The following RGS3 variants were observed in gnomAD, a reference collection of about 807,000 sequenced individuals.
The protein encoded by RGS3 is regulator of G protein signaling 3, also known as regulator of G-protein signalling 3.
In RGS3, 80 loss-of-function variants were observed where a neutral mutation model predicts 132.6. That is an observed-to-expected ratio of 0.60 (90% CI 0.50 to 0.73). The LOEUF (loss-of-function observed/expected upper bound fraction) is 0.73, where lower values mean the gene tolerates loss of function less well. Ranked by LOEUF, RGS3 falls within the 30% of genes least tolerant of loss-of-function variation. The probability of loss-of-function intolerance (pLI) is 0.00; values close to 1 mark genes in which losing one functional copy is unlikely to be tolerated. For synonymous variants in RGS3, 598 were observed against 620.6 expected, an observed-to-expected ratio of 0.96 and a Z score of 0.54; for missense variants, 1,382 against 1,530.8, an observed-to-expected ratio of 0.90 and a Z score of 1.62.
chr9:113,521,889 G>T (rs538851815), intron 16 of RGS3, among the ~76,000 whole-genome samples: 1 of 152,314 alleles, frequency 6.6e-6, no homozygotes, highest in African/African-American at 2.4e-5. Flanking sequence ...CCTTCTGGCT[G>T]GTTCTTCTTC....
intron 21 of RGS3, 170 bp from the exon 20 acceptor site, chr9:113,594,260 T>TG (rs768828917): frequency 7.5e-6 from 12 of 1,610,706 alleles, no homozygotes; most frequent in Non-Finnish European, 4.2e-6. Context: ...GGCCCCAAGG[T>TG]GGGGGGCCCT....
chr9:113,481,824 A>G (rs1454419510), intron 4 of RGS3, among the ~76,000 whole-genome samples: 1 of 152,220 alleles, frequency 6.6e-6, no homozygotes, highest in Non-Finnish European at 1.5e-5. Context: ...AGGCGGGCCA[A>G]TCACCTGAGG....
At chr9:113,541,751 G>C in intron 19 of RGS3, 1 of 1,031,260 alleles carries the variant, frequency 9.7e-7, no homozygotes, top group Admixed American at 5.7e-5. Context: ...CCTGCCTTGG[G>C]GGCAGCAGGA....
Position 113,446,876 on chromosome 9 carries a change from T to C in RGS3, c.-13+1949T>C, listed in dbSNP as rs1829111895. 3.3e-5 allele frequency among the ~76,000 whole-genome samples: 5 copies of C among 152,278 alleles called. No homozygotes were observed. The South Asian group carries it at 1.0e-3, about 32-fold the overall frequency. On this transcript the variant is annotated intron_variant, in intron 1 of 25. Coordinates refer to the RGS3 transcript ENST00000374140. ...TGGGCAGAGACTCAGGAAGGCAGTA[T>C]TTGGAAGGGCAGAAATATCAAAAGT...
chr9:113,454,618 C>G (rs1229725384), intron 1 of RGS3, among the ~76,000 whole-genome samples: 1 of 148,634 alleles, frequency 6.7e-6, no homozygotes, highest in African/African-American at 2.5e-5. Flanking sequence ...AAAAACAAAA[C>G]AAAACAAAAC....
At chr9:113,529,367 T>C in intron 18 of RGS3, 103 bp downstream of exon 16, 3 of 1,007,986 alleles carry the variant, frequency 3.0e-6, no homozygotes, top group Non-Finnish European at 4.7e-6. Flanking sequence ...CCAGCCTCCA[T>C]ACCCACTCAT....
intron 10 of RGS3, among the ~76,000 whole-genome samples, chr9:113,500,775 C>CCTCCTGGGTTCAAGTGATT (rs1184432813): frequency 6.6e-6 from 1 of 151,540 alleles, no homozygotes; most frequent in Non-Finnish European, 1.5e-5. Flanking sequence ...GCAACCTCTG[C>CCTCCTGGGTTCAAGTGATT]CTCCTGGGTT....
chr9:113,516,040 G>C (rs780760557), intron 15 of RGS3, among the ~76,000 whole-genome samples: 2 of 152,220 alleles, frequency 1.3e-5, no homozygotes, highest in Non-Finnish European at 2.9e-5. Flanking sequence ...CATTTTAAAG[G>C]CTCTTTACAC....
At position 113,565,220 on chromosome 9, in the gene RGS3, G is replaced by A. The variant is rs373972946; in HGVS notation, c.2038-18230G>A. 335 of 1,267,288 alleles carry A rather than the reference G, an allele frequency of 2.6e-4. No homozygotes were observed. Among genetic ancestry groups the A allele is most frequent in the Middle Eastern group, 1.3e-3 (6 of 4,596 alleles). The allele number at this position is 1,267,288 out of a possible 1,614,324, so 78.5% of individuals were successfully genotyped here. A position where few individuals can be genotyped will look rare whatever the true frequency, so the allele number is the denominator to read the frequency against. ...CCCCTCGCGGGGTGGGCAGAAGGAC[G>A]GGCTGGCCCAGGACCCTCTTCTTTG... On this transcript the variant is annotated intron_variant, in intron 19 of 24. Coordinates refer to ENST00000350696, the Ensembl canonical transcript of RGS3. The surrounding 1 kb of genome is among the most constrained non-coding windows in gnomAD (Gnocchi z 5.7).
At chr9:113,526,954 T>A (rs536460227) in intron 17 of RGS3, among the ~76,000 whole-genome samples, 1 of 152,342 alleles carries the variant, frequency 6.6e-6, no homozygotes, top group South Asian at 2.1e-4. Context: ...GCCTGTTTTC[T>A]ACAGCTGCAG....
chr9:113,460,823 C>T (rs2119157488), intron 1 of RGS3, among the ~76,000 whole-genome samples: 1 of 152,276 alleles, frequency 6.6e-6, no homozygotes, highest in South Asian at 2.1e-4. Context: ...TGAAAATGCA[C>T]CCAAATAAAT....
intron 1 of RGS3, among the ~76,000 whole-genome samples, chr9:113,447,674 A>T (rs1441510512): frequency 6.6e-6 from 1 of 151,870 alleles, no homozygotes; most frequent in Non-Finnish European, 1.5e-5. Flanking sequence ...AGCAGTGGTC[A>T]AGTTTGTGTG....
At chr9:113,541,355 G>C (rs1323719189) in intron 19 of RGS3, 3 of 1,613,856 alleles carry the variant, frequency 1.9e-6, no homozygotes, top group South Asian at 1.1e-5. Flanking sequence ...AGCAGGAGAT[G>C]GGGCCGGTCA....
At chr9:113,597,489 A>G (rs1835846057) in exon 25 of RGS3, 2 of 152,986 alleles carry the variant, frequency 1.3e-5, no homozygotes, top group Admixed American at 1.3e-4. Context: ...CCTTGGGAGA[A>G]GCTGCCATGC....
rs1829521987 is a variant in RGS3, at chr9:113,463,429, C to T, written c.415+1228C>T. On this transcript the variant is annotated intron_variant, in intron 3 of 24. Transcript: ENST00000350696. This position sits in a 1 kb window ranked among gnomAD's most constrained non-coding sequence, Gnocchi z 4.6. ...GGAGAGCTGGACGAGGAGGCCAAGC[C>T]TGCCCAGAGTGGGCACCCCGGACTG... Among the ~76,000 whole-genome samples, 1 of 152,116 alleles carries T rather than the reference C, an allele frequency of 6.6e-6. No individual in the cohort carries two copies. Among genetic ancestry groups the T allele is most frequent in the Non-Finnish European group, 1.5e-5 (1 of 67,990 alleles).
intron 19 of RGS3, among the ~76,000 whole-genome samples, chr9:113,548,133 AC>A (rs1220309067): frequency 1.3e-5 from 2 of 152,184 alleles, no homozygotes; most frequent in Non-Finnish European, 2.9e-5. Flanking sequence ...TCCTTCCCCC[AC>A]TGAGATCAAT....
At chr9:113,505,513 C>T (rs1024786822) in exon 11 of RGS3, 10 of 1,614,056 alleles carry the variant, frequency 6.2e-6, no homozygotes, top group East Asian at 2.2e-5. Flanking sequence ...GAGTCCAGGC[C>T]GTGGATTCCG....
Position 113,514,795 on chromosome 9 carries a change from G to A in RGS3, c.1674+141G>A, listed in dbSNP as rs554579812. ...AAAGATAAGTAGCTTTAGATGCATA[G>A]GATTCTAGGGGCTTATACTGAGGGA... On this transcript the variant is annotated intron_variant, in intron 15 of 24. Transcript: ENST00000350696. 22 of 734,784 alleles carry A rather than the reference G, an allele frequency of 3.0e-5. No individual in the cohort carries two copies. The African/African-American group carries it at 3.2e-4, about 11-fold the overall frequency. The allele number at this position is 734,784 out of a possible 1,614,324, so 45.5% of individuals were successfully genotyped here. A position where few individuals can be genotyped will look rare whatever the true frequency, so the allele number is the denominator to read the frequency against.
intron 1 of RGS3, among the ~76,000 whole-genome samples, chr9:113,452,335 G>A (rs1003663758): frequency 6.6e-6 from 1 of 151,214 alleles, no homozygotes; most frequent in Non-Finnish European, 1.5e-5. Context: ...TAAAGATATT[G>A]CTTCCCTGTC....
Sources: allele counts gnomAD v4.1 joint callset (sites outside exome capture counted in the v4.1 genomes callset), GRCh38; gene constraint gnomAD v4.1.1; non-coding constraint Gnocchi (gnomAD v3.1); transcripts MANE v1.5; gene names NCBI Gene and HGNC (gene_info 2026-07-23, HGNC 2026-07-21).